FAM13A: variants seen among roughly 807,000 people sequenced by gnomAD.
The protein encoded by FAM13A is family with sequence similarity 13 member A.
Under a neutral mutation model 129.6 loss-of-function variants are expected in FAM13A, and 76 were observed. That is an observed-to-expected ratio of 0.59 (90% CI 0.49 to 0.71). The LOEUF is 0.71. Ranked by LOEUF, FAM13A falls within the 30% of genes least tolerant of loss-of-function variation. The pLI is 0.00. For synonymous variants in FAM13A, 443 were observed against 449.9 expected (o/e 0.98, Z 0.20); for missense variants, 1,108 against 1,249.3 (o/e 0.89, Z 1.70).
intron 4 of FAM13A, among the ~76,000 whole-genome samples, chr4:88,943,926 T>C (rs770254448): frequency 6.6e-6 from 1 of 152,206 alleles, no homozygotes; most frequent in South Asian, 2.1e-4. Flanking sequence ...AAACTATCCA[T>C]AGTTTACAGC....
At chr4:88,966,858 C>T (rs1475501130) in intron 4 of FAM13A, among the ~76,000 whole-genome samples, 2 of 152,176 alleles carry the variant, frequency 1.3e-5, no homozygotes, top group Non-Finnish European at 2.9e-5. Context: ...CATTTAACCT[C>T]CTAGAAAATT....
At chr4:88,981,306 G>A (rs1042029687) in intron 4 of FAM13A, among the ~76,000 whole-genome samples, 6 of 152,096 alleles carry the variant, frequency 3.9e-5, no homozygotes, top group Non-Finnish European at 8.8e-5. Flanking sequence ...AAAGTGCCAA[G>A]AATACTAACA....
At chr4:88,942,347 A>C (rs1453292352) in intron 4 of FAM13A, among the ~76,000 whole-genome samples, 2 of 152,020 alleles carry the variant, frequency 1.3e-5, no homozygotes, top group Admixed American at 6.6e-5. Flanking sequence ...TGGGCGGATC[A>C]CCTGAGGTTA....
chr4:88,894,200 T>C (rs550016609), intron 6 of FAM13A, among the ~76,000 whole-genome samples: 3 of 152,380 alleles, frequency 2.0e-5, no homozygotes, highest in East Asian at 3.9e-4. Context: ...GCTTACGATC[T>C]AATATTTCCA....
At chr4:88,971,487 C>A (rs1760076839) in intron 4 of FAM13A, among the ~76,000 whole-genome samples, 1 of 152,022 alleles carries the variant, frequency 6.6e-6, no homozygotes, top group African/African-American at 2.4e-5. Context: ...GCTCTGGGAC[C>A]CTTTCTTTGC....
intron 5 of FAM13A, among the ~76,000 whole-genome samples, chr4:88,920,780 G>T (rs1750932933): frequency 6.6e-6 from 1 of 152,036 alleles, no homozygotes; most frequent in Non-Finnish European, 1.5e-5. Flanking sequence ...TCAAACCAAA[G>T]GCAAAGAAGT....
At chr4:88,825,147 T>C (rs1578835762) in intron 7 of FAM13A, among the ~76,000 whole-genome samples, 4 of 152,190 alleles carry the variant, frequency 2.6e-5, no homozygotes, top group South Asian at 2.1e-4. Context: ...GAATTTCTCC[T>C]GTCTATTCTG....
chr4:89,053,841 C>G (rs945818671), intron 1 of FAM13A, among the ~76,000 whole-genome samples: 1 of 152,158 alleles, frequency 6.6e-6, no homozygotes, highest in Non-Finnish European at 1.5e-5. Context: ...TGCAAACTCC[C>G]ACTTTCAGCC....
At chr4:88,983,501 A>T (rs1193618467) in intron 4 of FAM13A, among the ~76,000 whole-genome samples, 2 of 152,206 alleles carry the variant, frequency 1.3e-5, no homozygotes, top group African/African-American at 2.4e-5. Context: ...TATTGGTATT[A>T]GCAATGAGCA....
At chr4:88,844,996 A>T (rs1561145123) in intron 7 of FAM13A, among the ~76,000 whole-genome samples, 1 of 152,302 alleles carries the variant, frequency 6.6e-6, no homozygotes, top group East Asian at 1.9e-4. Context: ...ACAGAACCAG[A>T]AGCCATCACA....
At chr4:88,784,306 AATTAT>A (rs1723556945) in intron 10 of FAM13A, among the ~76,000 whole-genome samples, 1 of 152,190 alleles carries the variant, frequency 6.6e-6, no homozygotes, top group Non-Finnish European at 1.5e-5. Flanking sequence ...CTGGGTGCTC[AATTAT>A]CACTGTTGAA....
At chr4:88,963,946 A>C (rs910347791) in intron 4 of FAM13A, among the ~76,000 whole-genome samples, 2 of 152,090 alleles carry the variant, frequency 1.3e-5, no homozygotes, top group African/African-American at 4.8e-5. Context: ...GGTACAGTAC[A>C]CTCCTCAGGC....
At chr4:88,768,117 A>T (rs1746057954) in intron 11 of FAM13A, 58 bp from the exon 12 acceptor site, 2 of 901,306 alleles carry the variant, frequency 2.2e-6, no homozygotes, top group Admixed American at 3.8e-5. Flanking sequence ...TGCAACGCAG[A>T]CCCTCCTTTC....
chr4:88,750,396 T>G, intron 15 of FAM13A, 28 bp downstream of exon 15: 1 of 1,562,638 alleles, frequency 6.4e-7, no homozygotes, highest in South Asian at 1.1e-5. Context: ...ATGATGCATT[T>G]GTCTATCAGC....
chr4:88,959,751 A>T (rs1758334860), intron 4 of FAM13A, among the ~76,000 whole-genome samples: 1 of 152,228 alleles, frequency 6.6e-6, no homozygotes, highest in South Asian at 2.1e-4. Flanking sequence ...TCTTTTACTT[A>T]ATAACATCTG....
At position 88,774,847 on chromosome 4, in the gene FAM13A, C is replaced by T. The variant is rs577157949; in HGVS notation, c.1458+6318G>A. ...GAAAAGGAAAGGACTTGGAAAATGA[C>T]TAAGGAGACGATGATGTGATTGAAT... On this transcript the variant is annotated intron_variant, in intron 11 of 23. Transcript: ENST00000264344. Among the ~76,000 whole-genome samples the T allele has an allele frequency of 2.0e-5, 3 of 152,222 alleles. No homozygotes were observed. The South Asian group carries it at 6.2e-4, about 32-fold the overall frequency.
intron 5 of FAM13A, among the ~76,000 whole-genome samples, chr4:88,920,286 C>T (rs1406111183): frequency 6.6e-6 from 1 of 152,234 alleles, no homozygotes; most frequent in Non-Finnish European, 1.5e-5. Context: ...AGCAGCCTAA[C>T]TGGGAGGCAC....
chr4:88,946,401 CTT>C (rs3067813), intron 4 of FAM13A, among the ~76,000 whole-genome samples: 12 of 91,704 alleles, frequency 1.3e-4, no homozygotes, highest in African/African-American at 2.6e-4. Flanking sequence ...CTCCCGCGTT[CTT>C]TTTTTTTTTT....
At position 89,029,596 on chromosome 4, in the gene FAM13A, C is replaced by A; in HGVS notation, c.81G>T (p.Val27=). The change falls in exon 2 of 24, where the codon GTG becomes GTT. Residue 27 remains valine, a synonymous_variant. Transcript: ENST00000264344. ...LKEDMKKIVA[V]PLNEQKDFTY... ...TAAAATCCTTCTGTTCATTTAATGG[C>A]ACTGCCACTATCTTTTTCATGTCTT... 1 of 1,587,346 alleles carries A rather than the reference C, an allele frequency of 6.3e-7. No individual in the cohort carries two copies. Among genetic ancestry groups the A allele is most frequent in the South Asian group, 1.2e-5 (1 of 86,272 alleles).
Sources: allele counts gnomAD v4.1 joint callset (sites outside exome capture counted in the v4.1 genomes callset), GRCh38; gene constraint gnomAD v4.1.1; transcripts MANE v1.5; gene names NCBI Gene and HGNC (gene_info 2026-07-23, HGNC 2026-07-21).